Variants in ZNF398 observed in about 807,000 individuals in gnomAD.
The protein encoded by ZNF398 is zinc finger DNA binding protein ZER6.
In ZNF398, 18 loss-of-function variants were observed where a neutral mutation model predicts 41.9. That is an observed-to-expected ratio of 0.43 (90% confidence interval 0.30 to 0.64). The LOEUF (loss-of-function observed/expected upper bound fraction) is 0.64. Ranked by LOEUF, ZNF398 falls within the 30% of genes least tolerant of loss-of-function variation. The probability of loss-of-function intolerance (pLI) is 0.14; values close to 1 mark genes in which losing one functional copy is unlikely to be tolerated. For missense variants in ZNF398, 669 were observed against 822.8 expected (o/e 0.81, Z 2.29); for synonymous variants, 260 against 308.8 (o/e 0.84, Z 1.66).
chr7:149,135,524 G>A (rs181691894), intron 2 of ZNF398, among the ~76,000 whole-genome samples: 9 of 152,078 alleles, frequency 5.9e-5, no homozygotes, highest in Admixed American at 5.9e-4. Context: ...TGGGAGCAGG[G>A]GTGAGGGATA....
chr7:149,161,367 A>C (rs1371746752), intron 2 of ZNF398, among the ~76,000 whole-genome samples: 3 of 152,178 alleles, frequency 2.0e-5, no homozygotes, highest in Non-Finnish European at 4.4e-5. Context: ...CAGCCTGGGC[A>C]ACATAGCCAG....
Position 149,181,893 on chromosome 7 carries a change from T to C in ZNF398, c.*2092T>C, listed in dbSNP as rs989729456. On this transcript the variant is annotated 3_prime_UTR_variant, in exon 6 of 6. Transcript: ENST00000475153. Reference sequence around the variant, plus strand: ...ATTGGCAACCCACTAGGAACTTGAATGTGAGATTCAGCTCTAGTTTGCACC... The same window carrying C: ...ATTGGCAACCCACTAGGAACTTGAACGTGAGATTCAGCTCTAGTTTGCACC... 3 of 152,188 alleles carry C rather than the reference T, an allele frequency of 2.0e-5. No homozygotes were observed. Among genetic ancestry groups the C allele is most frequent in the African/African-American group, 7.2e-5 (3 of 41,456 alleles). The allele number at this position is 152,188 out of a possible 1,614,324, so 9.4% of individuals were successfully genotyped here. A position where few individuals can be genotyped will look rare whatever the true frequency, so the allele number is the denominator to read the frequency against.
chr7:149,141,553 A>C (rs1202433), intron 2 of ZNF398, among the ~76,000 whole-genome samples: 129,428 of 150,456 alleles, frequency 0.86, 55,831 homozygotes, highest in Middle Eastern at 0.96. Context: ...CTCCCGAGTT[A>C]ATGCCATTCT....
At chr7:149,141,447 C>CTTTTTTTTTTTTTT (rs35331670) in intron 2 of ZNF398, among the ~76,000 whole-genome samples, 1 of 116,816 alleles carries the variant, frequency 8.6e-6, no homozygotes. Context: ...AGCTACTTTT[C>CTTTTTTTTTTTTTT]TTTTTTTTCT....
chr7:149,172,843 T>C (rs1200077586), intron 4 of ZNF398, among the ~76,000 whole-genome samples: 1 of 152,194 alleles, frequency 6.6e-6, no homozygotes, highest in Non-Finnish European at 1.5e-5. Flanking sequence ...TAACAATAAC[T>C]TTTGTTTTCC....
rs777073747 is a variant in ZNF398, at chr7:149,170,506, C to T, written c.661+3576C>T. On this transcript the variant is annotated intron_variant, in intron 4 of 5. Transcript: ENST00000475153. ...TAATCCCAGCACTTTGAGGCCAAGGCGGGTGGATCATGAGGTCAGGAGATA... is the reference window on the plus strand; with the variant it reads ...TAATCCCAGCACTTTGAGGCCAAGGTGGGTGGATCATGAGGTCAGGAGATA... Among the ~76,000 whole-genome samples the T allele has an allele frequency of 3.3e-5, 5 of 152,118 alleles. No homozygotes were observed. In the East Asian group the frequency reaches 7.8e-4, roughly 24 times the overall value.
intron 3 of ZNF398, among the ~76,000 whole-genome samples, 179 bp downstream of exon 3, chr7:149,166,463 A>G (rs1480905760): frequency 6.6e-6 from 1 of 152,198 alleles, no homozygotes; most frequent in East Asian, 1.9e-4. Flanking sequence ...CTCTCTTTTT[A>G]CCAAATTGTA....
chr7:149,129,103 T>C (rs1826547750), intron 2 of ZNF398, among the ~76,000 whole-genome samples: 1 of 151,608 alleles, frequency 6.6e-6, no homozygotes, highest in South Asian at 2.1e-4. Context: ...CCTGGCCCTA[T>C]ATTTTCATAT....
At chr7:149,149,220 A>G (rs112849239) in intron 1 of ZNF398, among the ~76,000 whole-genome samples, 11 of 152,226 alleles carry the variant, frequency 7.2e-5, no homozygotes, top group Admixed American at 6.5e-4. Context: ...TTATTTCAAC[A>G]TGTCATCAAT....
chr7:149,132,165 C>T (rs1282935111), intron 2 of ZNF398, among the ~76,000 whole-genome samples: 1 of 151,124 alleles, frequency 6.6e-6, no homozygotes, highest in Non-Finnish European at 1.5e-5. Context: ...CAATTTATTA[C>T]TCCACCGACT....
rs925502577 is a variant in ZNF398, at chr7:149,154,305, C to T, written c.385C>T (p.Arg129Trp). 6.2e-7 allele frequency: 1 copy of T among 1,613,808 alleles called. No individual in the cohort carries two copies. ...GCGCAACAGGAACTTCTGGATCCTG[C>T]GGCTCCCTCCAGGTATTAAGGGAGA... is the stretch of plus-strand genomic sequence containing the variant. ...LLRNRNFWIL[R>W]LPPGIKGDIP... Residue 129 changes from arginine (R) to tryptophan (W), a missense_variant, in exon 2 of 6, where the codon CGG becomes TGG. Around this residue, in one of 3 missense-constraint regions of ZNF398, gnomAD observed 169 missense variants for 239.5 expected, o/e 0.71. Transcript: ENST00000475153.
At chr7:149,158,315 G>T (rs1001519454) in intron 2 of ZNF398, among the ~76,000 whole-genome samples, 1 of 152,160 alleles carries the variant, frequency 6.6e-6, no homozygotes, top group African/African-American at 2.4e-5. Context: ...TGCTTGTGTG[G>T]ACTGGTGGGA....
Position 149,151,265 on chromosome 7 carries a change from C to T in ZNF398, c.25-2680C>T, listed in dbSNP as rs901319533. 5.6e-6 allele frequency: 7 copies of T among 1,253,550 alleles called. No homozygotes were observed. In the African/African-American group the frequency reaches 9.2e-5, roughly 16 times the overall value. 77.7% of individuals were successfully genotyped at this position (1,253,550 alleles called of 1,614,324 possible). A position where few individuals can be genotyped will look rare whatever the true frequency, so the allele number is the denominator to read the frequency against. ...AAGAATGATTGGACTGATTCAAGGC[C>T]GGAGGTTAGCTGAGCAGGTGAGGCA... is the stretch of plus-strand genomic sequence containing the variant. On this transcript the variant is annotated intron_variant, in intron 1 of 5. Transcript: ENST00000475153.
At chr7:149,147,379 G>C (rs1361248312), upstream of ZNF398, 1 of 159,748 alleles carries the variant, frequency 6.3e-6, no homozygotes, top group Non-Finnish European at 1.4e-5. This position sits in a 1 kb window ranked among gnomAD's most constrained non-coding sequence, Gnocchi z 5.6. Context: ...CGCAGGGGCC[G>C]GCAGGGGGCG....
chr7:149,179,560 G>C lies in ZNF398; in HGVS notation c.1688G>C (p.Gly563Ala). The C allele has an allele frequency of 6.2e-7, 1 of 1,614,170 alleles. No individual in the cohort carries two copies. Among genetic ancestry groups the C allele is most frequent in the Non-Finnish European group, 8.5e-7 (1 of 1,180,034 alleles). Residue 563 changes from glycine (G) to alanine (A), a missense_variant, in exon 6 of 6, where the codon GGG becomes GCG. Around this residue, in one of 3 missense-constraint regions of ZNF398, gnomAD observed 210 missense variants for 290.4 expected, o/e 0.72. Coordinates refer to ENST00000475153, the MANE Select transcript of ZNF398 (RefSeq NM_170686.3). This position sits in a 1 kb window ranked among gnomAD's most constrained non-coding sequence, Gnocchi z 6.1. ...ATGAAACACCAGCGCATCCACACCG[G>C]GGAGCGGCCCTACCCCTGCTCCTAC... ...HLMKHQRIHT[G>A]ERPYPCSYCG...
intron 2 of ZNF398, among the ~76,000 whole-genome samples, chr7:149,163,816 C>T (rs954678995): frequency 1.3e-5 from 2 of 152,148 alleles, no homozygotes; most frequent in Non-Finnish European, 2.9e-5. Context: ...GAAAGAAATA[C>T]CCTGACCAGG....
At chr7:149,172,526 G>C (rs1002756514) in intron 4 of ZNF398, among the ~76,000 whole-genome samples, 2 of 152,012 alleles carry the variant, frequency 1.3e-5, no homozygotes, top group Non-Finnish European at 2.9e-5. Context: ...TATCAGAGAA[G>C]CCGTCAAGTG....
intron 2 of ZNF398, among the ~76,000 whole-genome samples, chr7:149,136,354 A>G (rs1028982013): frequency 2.0e-5 from 3 of 151,940 alleles, no homozygotes; most frequent in Non-Finnish European, 4.4e-5. Flanking sequence ...TAGACAGTGC[A>G]GCTGCCAGGC....
In ZNF398 at chr7:149,180,243, A is replaced by G. The variant is rs140265417; in HGVS notation, c.*442A>G. 3.9e-5 allele frequency: 6 copies of G among 155,692 alleles called. No homozygotes were observed. In the East Asian group the frequency reaches 1.1e-3, roughly 29 times the overall value. 9.6% of individuals were successfully genotyped at this position (155,692 alleles called of 1,614,324 possible). A position where few individuals can be genotyped will look rare whatever the true frequency, so the allele number is the denominator to read the frequency against. ...ATGTTTAACTATAAAGCCTTTTATT[A>G]GTTCTTTGATAGCTAAGATGGTTGT... On this transcript the variant is annotated 3_prime_UTR_variant, in exon 6 of 6. Transcript: ENST00000475153.
Sources: allele counts gnomAD v4.1 joint callset (sites outside exome capture counted in the v4.1 genomes callset), GRCh38; gene constraint gnomAD v4.1.1; regional missense constraint gnomAD v4.1.1; non-coding constraint Gnocchi (gnomAD v3.1); transcripts MANE v1.5; gene names NCBI Gene and HGNC (gene_info 2026-07-23, HGNC 2026-07-21).